Variants in GSTCD observed in about 807,000 individuals in gnomAD.
GSTCD encodes the protein glutathione S-transferase C-terminal domain containing.
GSTCD carries 44 observed loss-of-function variants against 68.3 expected under a neutral mutation model. The observed-to-expected ratio is 0.64, with a 90% CI of 0.51 to 0.83. GSTCD has a LOEUF of 0.83. GSTCD is among the 40% of genes least tolerant of loss of function. The probability of loss-of-function intolerance (pLI) is 0.00; values close to 1 mark genes in which losing one functional copy is unlikely to be tolerated. For synonymous variants in GSTCD, 273 were observed against 255.2 expected (o/e 1.07, Z -0.67); for missense variants, 739 against 735.9 (o/e 1.00, Z -0.05).
At chr4:105,825,577 C>G in intron 7 of GSTCD, 95 bp from the exon 8 acceptor site, 1 of 716,026 alleles carries the variant, frequency 1.4e-6, no homozygotes, top group South Asian at 2.0e-5. Flanking sequence ...ATAATACGTT[C>G]TACATTATTA....
chr4:105,718,984 T>A (rs958482818), intron 2 of GSTCD, 76 bp from the exon 3 acceptor site: 15 of 1,159,174 alleles, frequency 1.3e-5, no homozygotes, highest in Admixed American at 6.9e-5. Flanking sequence ...TATTTCCCAA[T>A]AAGACAGTTA....
chr4:105,842,210 G>A, intron 11 of GSTCD, 76 bp downstream of exon 11: 3 of 1,185,896 alleles, frequency 2.5e-6, no homozygotes, highest in Non-Finnish European at 2.5e-6. Flanking sequence ...AAGTCTATAT[G>A]GGAAAAATTT....
chr4:105,823,332 C>A, intron 7 of GSTCD, 57 bp downstream of exon 7: 1 of 1,557,868 alleles, frequency 6.4e-7, no homozygotes, highest in Non-Finnish European at 8.8e-7. Flanking sequence ...GTTCAGCTAG[C>A]CAAATTTGGT....
At chr4:105,817,896 C>T (rs1466166683) in intron 5 of GSTCD, among the ~76,000 whole-genome samples, 1 of 151,904 alleles carries the variant, frequency 6.6e-6, no homozygotes, top group Non-Finnish European at 1.5e-5. Flanking sequence ...GCATGCATAG[C>T]ATCGATATCT....
In GSTCD at chr4:105,708,975, C is replaced by A. The variant is rs1277775449; in HGVS notation, c.-63C>A. 1.3e-5 allele frequency: 2 copies of A among 152,676 alleles called. No homozygotes were observed. The highest frequency in any genetic ancestry group is 2.9e-5 in the Non-Finnish European group (2 of 68,114). 9.5% of individuals were successfully genotyped at this position (152,676 alleles called of 1,614,324 possible). ...GCGCAGGCGGCCCAGGTCGCCGACA[C>A]GCTCACGCACCCTCCCTGCCTGGCC... On this transcript the variant is annotated 5_prime_UTR_variant, in exon 1 of 12. Coordinates refer to ENST00000515279, the MANE Select transcript of GSTCD (RefSeq NM_001370181.1).
chr4:105,717,890 G>T lies in GSTCD; in HGVS notation c.277G>T (p.Val93Leu). ...AGTCCAAAATTGCTGTTTGCCTGCA[G>T]TAGTAGAACGATCAGACAATTTTTG... ...PIVQNCCLPAVVERSDNFCRA... is the reference protein window; with the variant it reads ...PIVQNCCLPALVERSDNFCRA... The change falls in exon 2 of 12, where the codon GTA becomes TTA. Residue 93 changes from valine to leucine, a missense_variant. Transcript: ENST00000515279. The T allele has an allele frequency of 9.3e-6, 15 of 1,614,150 alleles. No individual in the cohort carries two copies. Among genetic ancestry groups the T allele is most frequent in the Non-Finnish European group, 1.3e-5 (15 of 1,180,016 alleles).
chr4:105,717,174 G>A (rs1732704790), intron 1 of GSTCD, among the ~76,000 whole-genome samples: 1 of 152,002 alleles, frequency 6.6e-6, no homozygotes, highest in Admixed American at 6.6e-5. Flanking sequence ...TATTTTGTAG[G>A]GTCGTAAAAA....
chr4:105,714,901 C>T (rs767058771), intron 1 of GSTCD, among the ~76,000 whole-genome samples: 1 of 152,104 alleles, frequency 6.6e-6, no homozygotes, highest in East Asian at 1.9e-4. Context: ...ATGTGCCTTA[C>T]AACGTGGCAA....
chr4:105,800,640 C>T (rs985577031), intron 5 of GSTCD, among the ~76,000 whole-genome samples: 46 of 152,062 alleles, frequency 3.0e-4, no homozygotes, highest in African/African-American at 9.9e-4. Flanking sequence ...CACACATAGG[C>T]AAAGCAAGGA....
intron 5 of GSTCD, among the ~76,000 whole-genome samples, chr4:105,735,401 C>A (rs1234183343): frequency 2.6e-5 from 4 of 152,232 alleles, no homozygotes; most frequent in Admixed American, 2.6e-4. Flanking sequence ...AGCCTCGCTG[C>A]TGCCTTGCAG....
chr4:105,836,498 G>A (rs1724126243), intron 9 of GSTCD, among the ~76,000 whole-genome samples: 1 of 152,134 alleles, frequency 6.6e-6, no homozygotes. Context: ...CCATCAACCT[G>A]CCATCCATGG....
chr4:105,725,854 G>A (rs1462011756), intron 3 of GSTCD, among the ~76,000 whole-genome samples: 2 of 152,054 alleles, frequency 1.3e-5, no homozygotes, highest in African/African-American at 4.8e-5. Flanking sequence ...ATACCCACAA[G>A]AATGACTAAA....
rs773308828 is a variant in GSTCD, at chr4:105,723,719, A to C, written c.895-2860A>C. Reference sequence around the variant, plus strand: ...AATGTATATCTTTAAATAATATGTAAAAAAATATATAAATAATTACAAAAT... The same window carrying C: ...AATGTATATCTTTAAATAATATGTACAAAAATATATAAATAATTACAAAAT... On this transcript the variant is annotated intron_variant, in intron 3 of 11. Transcript: ENST00000515279. Among the ~76,000 whole-genome samples, 69 of 151,640 alleles carry C rather than the reference A, an allele frequency of 4.6e-4. 1 individual carries two copies. The highest frequency in any genetic ancestry group is 3.2e-3 in the Middle Eastern group (1 of 316).
intron 5 of GSTCD, among the ~76,000 whole-genome samples, chr4:105,752,456 C>A (rs1734039669): frequency 6.6e-6 from 1 of 152,012 alleles, no homozygotes; most frequent in African/African-American, 2.4e-5. Flanking sequence ...TATATACAAT[C>A]TTCTAGAAGT....
chr4:105,825,890 C>A (rs1723580109), intron 8 of GSTCD, 90 bp downstream of exon 8: 3 of 714,294 alleles, frequency 4.2e-6, no homozygotes, highest in Admixed American at 2.7e-5. Context: ...ATTTTGTGTT[C>A]TTTGCCAAAC....
At chr4:105,726,880 C>G (rs372440366) in intron 4 of GSTCD, 50 bp downstream of exon 4, 2 of 1,405,956 alleles carry the variant, frequency 1.4e-6, no homozygotes, top group Admixed American at 2.2e-5. Flanking sequence ...GATAATATTG[C>G]TGAGCATTCT....
intron 5 of GSTCD, among the ~76,000 whole-genome samples, chr4:105,753,522 G>T (rs911547462): frequency 3.9e-5 from 6 of 151,908 alleles, no homozygotes; most frequent in Non-Finnish European, 7.4e-5. Context: ...TTCTTGTCAT[G>T]ATGCCCTAAA....
chr4:105,817,518 C>T (rs770476056), intron 5 of GSTCD, among the ~76,000 whole-genome samples: 3 of 151,832 alleles, frequency 2.0e-5, no homozygotes, highest in Non-Finnish European at 4.4e-5. Flanking sequence ...TTTGTATCCA[C>T]TGTTACAAGA....
chr4:105,835,891 T>C (rs1180046113), intron 9 of GSTCD, among the ~76,000 whole-genome samples: 1 of 152,158 alleles, frequency 6.6e-6, no homozygotes, highest in African/African-American at 2.4e-5. Flanking sequence ...GTCATCCCAA[T>C]GTCTGCTCAG....
Sources: allele counts gnomAD v4.1 joint callset (sites outside exome capture counted in the v4.1 genomes callset), GRCh38; gene constraint gnomAD v4.1.1; transcripts MANE v1.5; gene names NCBI Gene and HGNC (gene_info 2026-07-23, HGNC 2026-07-21).